The following THUMPD3 variants were observed in gnomAD, a reference collection of about 807,000 sequenced individuals.
THUMPD3 encodes the protein tRNA (guanine(6)-N(2))-methyltransferase THUMP3.
In THUMPD3, 44 loss-of-function variants were observed where a neutral mutation model predicts 54.5. The ratio of observed to expected loss-of-function variants is 0.81; its 90% CI spans 0.63 to 1.04. THUMPD3 has a LOEUF of 1.04. THUMPD3 is among the 50% of genes least tolerant of loss of function. The pLI is 0.00. For missense variants in THUMPD3, 604 were observed against 601.3 expected (o/e 1.00, Z -0.05); for synonymous variants, 196 against 201.4 (o/e 0.97, Z 0.23).
Position 9,365,242 on chromosome 3 carries a change from G to A in THUMPD3, c.174G>A (p.Glu58=), listed in dbSNP as rs2031438539. The change falls in exon 2 of 10, where the codon GAG becomes GAA. Residue 58 remains glutamate (E), a synonymous_variant. Transcript: ENST00000452837. ...AAACAGCTGCAGATGAAGTCAGAGA[G>A]AAACTTGGGTCATCATGCAAAATCA... The part of the protein sequence containing the change: ...FEQTAADEVR[E]KLGSSCKISR... 1 of 1,614,236 alleles carries A rather than the reference G, an allele frequency of 6.2e-7. No individual in the cohort carries two copies. Among genetic ancestry groups the A allele is most frequent in the Non-Finnish European group, 8.5e-7 (1 of 1,180,040 alleles).
At chr3:9,384,397 G>C in intron 9 of THUMPD3, 62 bp downstream of exon 9, 7 of 1,597,478 alleles carry the variant, frequency 4.4e-6, no homozygotes, top group Non-Finnish European at 6.0e-6. Context: ...TTTGAGATTT[G>C]GGGATGTTTG....
chr3:9,364,318 A>G (rs1396527932), intron 1 of THUMPD3, among the ~76,000 whole-genome samples: 1 of 150,440 alleles, frequency 6.6e-6, no homozygotes, highest in African/African-American at 2.4e-5. Flanking sequence ...AAAGCCCCAT[A>G]TTATTATTAT....
Position 9,380,755 on chromosome 3 carries a change from T to C in THUMPD3, c.1124+137T>C, listed in dbSNP as rs75608853. 1.8e-3 allele frequency: 834 copies of C among 471,982 alleles called. 6 individuals are homozygous for C. Among genetic ancestry groups the C allele is most frequent in the African/African-American group, 0.015 (775 of 50,184 alleles). The allele number at this position is 471,982 out of a possible 1,614,324, so 29.2% of individuals were successfully genotyped here. ...AATATACTATGAGACTCCATTTACA[T>C]TTTTAAAGTTTATTGAAAATAAGTT... On this transcript the variant is annotated intron_variant, in intron 7 of 9. Transcript: ENST00000452837.
intron 2 of THUMPD3, among the ~76,000 whole-genome samples, chr3:9,365,653 G>A (rs369236418): frequency 9.9e-5 from 15 of 151,478 alleles, no homozygotes; most frequent in East Asian, 3.9e-4. Flanking sequence ...GTGCAATGGC[G>A]CGATCTTGGC....
chr3:9,368,974 T>A (rs2031798548), intron 3 of THUMPD3, among the ~76,000 whole-genome samples: 1 of 152,130 alleles, frequency 6.6e-6, no homozygotes, highest in Non-Finnish European at 1.5e-5. Flanking sequence ...TTATCTGAAA[T>A]ACTCGGGACC....
At chr3:9,368,272 G>A (rs1292255701) in intron 3 of THUMPD3, among the ~76,000 whole-genome samples, 1 of 151,084 alleles carries the variant, frequency 6.6e-6, no homozygotes, top group Non-Finnish European at 1.5e-5. Context: ...GGGCTCAAGT[G>A]ATCCTCCCAC....
intron 7 of THUMPD3, among the ~76,000 whole-genome samples, chr3:9,382,034 T>C (rs557886114): frequency 1.6e-3 from 245 of 151,960 alleles, no homozygotes; most frequent in African/African-American, 5.3e-3. Flanking sequence ...CTGCCCACCT[T>C]GGCCTCCCAA....
At position 9,374,435 on chromosome 3, in the gene THUMPD3, G is replaced by A. The variant is rs139692692; in HGVS notation, c.808-81G>A. ...CAGGTTGCCTAAGGAGGGGTGAACC[G>A]GCCCAGGTCAGAAAAGTCTTATTAC... On this transcript the variant is annotated intron_variant, in intron 4 of 9. Transcript: ENST00000452837. The A allele has an allele frequency of 2.0e-4, 308 of 1,538,750 alleles. 1 individual carries two copies. In the African/African-American group the frequency reaches 3.6e-3, roughly 18 times the overall value.
chr3:9,382,981 A>C (rs1446267926), intron 7 of THUMPD3: 1 of 410,260 alleles, frequency 2.4e-6, no homozygotes, highest in Non-Finnish European at 4.5e-6. Flanking sequence ...CTCCCACCTC[A>C]GCCCCTGAAA....
intron 5 of THUMPD3, among the ~76,000 whole-genome samples, 198 bp from the exon 6 acceptor site, chr3:9,377,621 C>A (rs1385312890): frequency 6.6e-6 from 1 of 152,152 alleles, no homozygotes; most frequent in East Asian, 1.9e-4. Context: ...GCGATCCACC[C>A]ATCTCAGCCT....
At chr3:9,366,188 A>G (rs904942410) in intron 2 of THUMPD3, among the ~76,000 whole-genome samples, 2 of 152,236 alleles carry the variant, frequency 1.3e-5, no homozygotes, top group Admixed American at 1.3e-4. Flanking sequence ...ATTTGCATCA[A>G]AAATTCTTGC....
At position 9,384,710 on chromosome 3, in the gene THUMPD3, C is replaced by G. The variant is rs1436532855; in HGVS notation, c.*22C>G. ...ATGAAGATGACTAATAGTACTTGTACTTCCCACCACTGGAAATGTTAGCAT... is the reference window on the plus strand; with the variant it reads ...ATGAAGATGACTAATAGTACTTGTAGTTCCCACCACTGGAAATGTTAGCAT... On this transcript the variant is annotated 3_prime_UTR_variant, in exon 10 of 10. Transcript: ENST00000452837. The G allele has an allele frequency of 1.2e-6, 2 of 1,612,110 alleles. No individual in the cohort carries two copies. The highest frequency in any genetic ancestry group is 1.7e-6 in the Non-Finnish European group (2 of 1,178,614).
chr3:9,369,265 A>T lies in THUMPD3; in HGVS notation c.331-1795A>T, dbSNP rs571971088. On this transcript the variant is annotated intron_variant, in intron 3 of 9. Transcript: ENST00000452837. ...GCAGAAGTTGCAGTGAGCCGAGATC[A>T]CGCCACTGCACTCTAGTCTGGGCAA... 1.1e-4 allele frequency among the ~76,000 whole-genome samples: 15 copies of T among 130,860 alleles called. No homozygotes were observed. The East Asian group carries it at 3.6e-3, about 32-fold the overall frequency. The allele number at this position is 130,860 out of a possible 152,430, so 85.8% of individuals were successfully genotyped here.
At chr3:9,384,060 C>CT (rs2033138874) in intron 8 of THUMPD3, 152 bp from the exon 9 acceptor site, 1 of 983,708 alleles carries the variant, frequency 1.0e-6, no homozygotes, top group Admixed American at 2.4e-5. Flanking sequence ...ACTAACTCAA[C>CT]TTATTTCATA....
rs147229917 is a variant in THUMPD3, at chr3:9,384,503, A to AT, written c.1360-13dup. The AT allele has an allele frequency of 8.7e-3, 14,051 of 1,611,280 alleles. 995 individuals carry two copies. The African/African-American group carries it at 0.16, about 18-fold the overall frequency. ...AAAGTAGATTGTCAACCTAATTGTT[A>AT]TTTTTTTTGTGTGTACACAGGCGTT... is the stretch of plus-strand genomic sequence containing the variant. On this transcript the variant is annotated intron_variant, in intron 9 of 9. Transcript: ENST00000452837.
At chr3:9,374,785 G>C in intron 5 of THUMPD3, 139 bp downstream of exon 5, 2 of 1,000,894 alleles carry the variant, frequency 2.0e-6, no homozygotes, top group South Asian at 3.2e-5. Flanking sequence ...GAAAGCTAAT[G>C]ATCTATTTCT....
intron 3 of THUMPD3, among the ~76,000 whole-genome samples, chr3:9,369,419 C>T (rs372522577): frequency 1.1e-4 from 17 of 150,700 alleles, no homozygotes; most frequent in African/African-American, 2.9e-4. Flanking sequence ...TATAGCTTGA[C>T]GGTAATTTTA....
chr3:9,371,174 A>G lies in THUMPD3; in HGVS notation c.445A>G (p.Ile149Val), dbSNP rs777135939. 19 of 1,612,118 alleles carry G rather than the reference A, an allele frequency of 1.2e-5. No homozygotes were observed. The Admixed American group carries it at 3.0e-4, about 26-fold the overall frequency. Reference protein sequence around the residue: ...FKKKKAKRKKINQNSSKEKIN... With the variant: ...FKKKKAKRKKVNQNSSKEKIN... ...AAAGAAAAAAGCAAAGCGCAAAAAG[A>G]TAAATCAGAATTCAAGTAAAGAGAA... The change falls in exon 4 of 10, where the codon ATA (isoleucine) becomes GTA (valine). Residue 149 changes from isoleucine (I) to valine (V), a missense_variant. Physicochemically the swap from Ile to Val is conservative, Grantham distance 29. Transcript: ENST00000452837.
At position 9,371,627 on chromosome 3, in the gene THUMPD3, T is replaced by A; in HGVS notation, c.807+91T>A. The A allele has an allele frequency of 2.7e-6, 3 of 1,118,104 alleles. No individual in the cohort carries two copies. In the South Asian group the frequency reaches 4.5e-5, roughly 17 times the overall value. The allele number at this position is 1,118,104 out of a possible 1,614,324, so 69.3% of individuals were successfully genotyped here. A position where few individuals can be genotyped will look rare whatever the true frequency, so the allele number is the denominator to read the frequency against. On this transcript the variant is annotated intron_variant, in intron 4 of 9. Coordinates refer to ENST00000452837, the MANE Select transcript of THUMPD3 (RefSeq NM_001114092.2). ...AACCCAATGTTATGCACAATTAAAC[T>A]GAGGAAATAGTAGGGTGTGGTTAAG... is the stretch of plus-strand genomic sequence containing the variant.
Sources: gnomAD v4.1 joint callset for allele counts (sites outside exome capture counted in the v4.1 genomes callset) on GRCh38, gnomAD v4.1.1 for gene constraint, MANE v1.5 for transcripts, NCBI Gene and HGNC (gene_info 2026-07-23, HGNC 2026-07-21) for gene names.